The following USP12 variants were observed in gnomAD, a reference collection of about 807,000 sequenced individuals.
The protein encoded by USP12 is ubiquitin specific peptidase 12, also known as ubiquitin carboxyl-terminal hydrolase 12.
In USP12, 19 loss-of-function variants were observed where a neutral mutation model predicts 45.5. The ratio of observed to expected loss-of-function variants is 0.42; its 90% CI spans 0.29 to 0.61. The LOEUF (loss-of-function observed/expected upper bound fraction) is 0.61, where lower values mean the gene tolerates loss of function less well. Among genes scored for constraint, USP12 ranks in the 20% least tolerant of loss-of-function variants. The pLI is 0.22. For missense variants in USP12, 242 were observed against 447.7 expected (o/e 0.54, Z 4.15); for synonymous variants, 149 against 148.8 (o/e 1.00, Z -0.01).
intron 6 of USP12, among the ~76,000 whole-genome samples, chr13:27,086,197 AAT>A (rs1555233236): frequency 5.1e-4 from 29 of 56,924 alleles, no homozygotes; most frequent in Admixed American, 8.2e-4. Flanking sequence ...AAAAAAAAAA[AAT>A]ATATATATAT....
chr13:27,116,663 C>A, intron 1 of USP12, 67 bp from the exon 2 acceptor site: 2 of 1,462,128 alleles, frequency 1.4e-6, no homozygotes, highest in South Asian at 1.2e-5. Context: ...ACACTTCAGT[C>A]AATGACAGGC....
At chr13:27,070,008 G>A (rs564636545) in intron 8 of USP12, among the ~76,000 whole-genome samples, 5 of 152,196 alleles carry the variant, frequency 3.3e-5, no homozygotes, top group East Asian at 1.9e-4. Flanking sequence ...GAGTGTATAC[G>A]TCCAGCAAAA....
intron 1 of USP12, among the ~76,000 whole-genome samples, chr13:27,152,574 A>G (rs1877620347): frequency 6.6e-6 from 1 of 152,228 alleles, no homozygotes; most frequent in African/African-American, 2.4e-5. Context: ...AAACTCTAAA[A>G]GCCACTAAAT....
At chr13:27,170,255 A>AT (rs1052909822) in intron 1 of USP12, 3 of 398,518 alleles carry the variant, frequency 7.5e-6, no homozygotes, top group Middle Eastern at 6.3e-4. Flanking sequence ...GATTTCAGTC[A>AT]TTTTTTGTAC....
At chr13:27,118,565 A>G (rs1209704536) in intron 1 of USP12, among the ~76,000 whole-genome samples, 2 of 152,218 alleles carry the variant, frequency 1.3e-5, no homozygotes, top group Non-Finnish European at 2.9e-5. Context: ...ACTTTGTCAC[A>G]GAAGTCCCTG....
intron 4 of USP12, among the ~76,000 whole-genome samples, chr13:27,093,975 G>C (rs1874440338): frequency 6.6e-6 from 1 of 152,124 alleles, no homozygotes; most frequent in South Asian, 2.1e-4. Context: ...TTCTGGAAAA[G>C]GCAAAACTAT....
intron 2 of USP12, among the ~76,000 whole-genome samples, chr13:27,111,307 TA>T (rs1264386358): frequency 6.6e-6 from 1 of 152,216 alleles, no homozygotes; most frequent in Non-Finnish European, 1.5e-5. Context: ...ACCTAAAAAT[TA>T]TCTTTCAAGA....
rs138578684 is a variant in USP12 at position 27,124,400 on chromosome 13, G to C, written c.49-7804C>G. On this transcript the variant is annotated intron_variant, in intron 1 of 8. Coordinates refer to ENST00000282344, the MANE Select transcript of USP12 (RefSeq NM_182488.4). Reference sequence around the variant, plus strand: ...AGTAGAGAACAATACACCTTACCAAGAAATTAAAAATGATGAAAACATAAA... The same window carrying C: ...AGTAGAGAACAATACACCTTACCAACAAATTAAAAATGATGAAAACATAAA... 1.6e-4 allele frequency among the ~76,000 whole-genome samples: 25 copies of C among 152,212 alleles called. 1 individual carries two copies. The highest frequency in any genetic ancestry group is 5.8e-4 in the African/African-American group (24 of 41,530).
At chr13:27,162,952 T>A (rs556820765) in intron 1 of USP12, 2 of 152,230 alleles carry the variant, frequency 1.3e-5, no homozygotes, top group Non-Finnish European at 2.9e-5. Context: ...TTTTTTAACA[T>A]GTATATACAA....
chr13:27,073,155 G>A (rs774917118), intron 7 of USP12, among the ~76,000 whole-genome samples: 1 of 151,850 alleles, frequency 6.6e-6, no homozygotes, highest in Admixed American at 6.6e-5. Flanking sequence ...CTTCCAGAGC[G>A]GAGGGGCAGG....
chr13:27,109,912 C>CAAAAAAAAAAA (rs58500654), intron 2 of USP12, among the ~76,000 whole-genome samples: 5,588 of 107,764 alleles, frequency 0.052, 221 homozygotes, highest in Non-Finnish European at 0.061. Context: ...ACTCTGTCTC[C>CAAAAAAAAAAA]AAAAAAAAAA....
At position 27,129,349 on chromosome 13, in the gene USP12, C is replaced by G. The variant is rs1658348771; in HGVS notation, c.49-12753G>C. On this transcript the variant is annotated intron_variant, in intron 1 of 8. Transcript: ENST00000282344. The surrounding 1 kb of genome is among the most constrained non-coding windows in gnomAD (Gnocchi z 4.0). ...TATAAAACTGTGGAAGAACTGAAAA[C>G]AACTTTTAAGTTCTGCAAAAATAAA... is the stretch of plus-strand genomic sequence containing the variant. Among the ~76,000 whole-genome samples, 1 of 152,216 alleles carries G rather than the reference C, an allele frequency of 6.6e-6. No homozygotes were observed. The highest frequency in any genetic ancestry group is 2.4e-5 in the African/African-American group (1 of 41,456).
At chr13:27,110,689 A>G (rs991593358) in intron 2 of USP12, among the ~76,000 whole-genome samples, 1 of 152,230 alleles carries the variant, frequency 6.6e-6, no homozygotes, top group Non-Finnish European at 1.5e-5. Context: ...ATACACTTCA[A>G]TGAACCCTAC....
chr13:27,095,124 C>G (rs1874515654), intron 4 of USP12, among the ~76,000 whole-genome samples: 1 of 152,204 alleles, frequency 6.6e-6, no homozygotes, highest in African/African-American at 2.4e-5. Context: ...CACTGCACTC[C>G]AGCCTGGGTG....
intron 4 of USP12, among the ~76,000 whole-genome samples, chr13:27,090,501 T>G (rs1009312575): frequency 1.3e-5 from 2 of 152,028 alleles, no homozygotes; most frequent in African/African-American, 4.8e-5. Context: ...AGGCCAAGAC[T>G]GAATAAAAAT....
At chr13:27,112,183 A>G (rs1001601381) in intron 2 of USP12, among the ~76,000 whole-genome samples, 1 of 152,158 alleles carries the variant, frequency 6.6e-6, no homozygotes, top group East Asian at 1.9e-4. Context: ...ACCTGCAAAA[A>G]GGGGGTAATA....
intron 3 of USP12, among the ~76,000 whole-genome samples, chr13:27,099,114 A>G (rs565463151): frequency 2.0e-5 from 3 of 152,312 alleles, no homozygotes; most frequent in African/African-American, 4.8e-5. Context: ...TCCTATTTGG[A>G]CATATATATT....
At chr13:27,170,234 T>C in intron 1 of USP12, 2 of 398,484 alleles carry the variant, frequency 5.0e-6, no homozygotes, top group Non-Finnish European at 8.9e-6. Flanking sequence ...CTGTCGATTT[T>C]ATGTCCACCT....
At position 27,131,000 on chromosome 13, in the gene USP12, A is replaced by G. The variant is rs78189857; in HGVS notation, c.49-14404T>C. ...CAGTTCATGAAAGTAAGGAAGGAAT[A>G]GTGTTGTGCAGCTATAGAAATAACA... On this transcript the variant is annotated intron_variant, in intron 1 of 8. Transcript: ENST00000282344. Among the ~76,000 whole-genome samples, 651 of 152,366 alleles carry G rather than the reference A, an allele frequency of 4.3e-3. 8 individuals are homozygous for G. Among genetic ancestry groups the G allele is most frequent in the African/African-American group, 0.015 (622 of 41,580 alleles).
Sources: allele counts gnomAD v4.1 joint callset (sites outside exome capture counted in the v4.1 genomes callset), GRCh38; gene constraint gnomAD v4.1.1; non-coding constraint Gnocchi (gnomAD v3.1); transcripts MANE v1.5; gene names NCBI Gene and HGNC (gene_info 2026-07-23, HGNC 2026-07-21).